The following DUSP14 variants were observed in gnomAD, a reference collection of about 807,000 sequenced individuals.
DUSP14 encodes the protein dual specificity protein phosphatase 14.
A neutral mutation model predicts 13.2 loss-of-function variants in DUSP14; 5 were observed. The observed-to-expected ratio is 0.38, with a 90% CI of 0.20 to 0.80. The LOEUF is 0.80. Ranked by LOEUF, DUSP14 falls within the 30% of genes least tolerant of loss-of-function variation. The pLI is 0.44. For missense variants in DUSP14, 185 were observed against 264.0 expected, an observed-to-expected ratio of 0.70 and a Z score of 2.07; for synonymous variants, 91 against 103.4, an observed-to-expected ratio of 0.88 and a Z score of 0.73.
chr17:37,491,876 A>G (rs1377731565), intron 1 of DUSP14, among the ~76,000 whole-genome samples: 1 of 152,240 alleles, frequency 6.6e-6, no homozygotes, highest in Non-Finnish European at 1.5e-5. Context: ...AACTTTACTA[A>G]TAAGGTTAAA....
rs1643672387 is a variant in DUSP14, at chr17:37,512,629, C to T, written c.357C>T (p.Ala119=). 1 of 1,613,036 alleles carries T rather than the reference C, an allele frequency of 6.2e-7. No individual in the cohort carries two copies. The change falls in exon 3 of 3, where the codon GCC becomes GCT. Residue 119 remains alanine, a synonymous_variant. Coordinates refer to ENST00000617516, the MANE Select transcript of DUSP14 (RefSeq NM_007026.4). The surrounding 1 kb of genome is among the most constrained non-coding windows in gnomAD (Gnocchi z 4.8). ...GTGCTGCAGGGGTGAGCCGCTCAGCCACGCTGTGTATCGCGTACCTGATGA... is the reference window on the plus strand; with the variant it reads ...GTGCTGCAGGGGTGAGCCGCTCAGCTACGCTGTGTATCGCGTACCTGATGA... ...VHCAAGVSRS[A]TLCIAYLMKF... is the part of the protein sequence containing the mutation.
At chr17:37,493,712 A>C (rs2054044534) in intron 1 of DUSP14, among the ~76,000 whole-genome samples, 1 of 151,842 alleles carries the variant, frequency 6.6e-6, no homozygotes, top group Admixed American at 6.6e-5. Flanking sequence ...AGTTACAGGA[A>C]ATTTTAAATA....
At chr17:37,509,620 C>T (rs1005928654) in intron 1 of DUSP14, among the ~76,000 whole-genome samples, 1 of 151,810 alleles carries the variant, frequency 6.6e-6, no homozygotes, top group Non-Finnish European at 1.5e-5. Flanking sequence ...CCACGCTTGG[C>T]CTATATATAT....
At chr17:37,500,027 A>T (rs1056572004) in intron 1 of DUSP14, among the ~76,000 whole-genome samples, 13 of 152,222 alleles carry the variant, frequency 8.5e-5, no homozygotes, top group Non-Finnish European at 1.5e-4. Context: ...AGTTGCCCTC[A>T]CAGTGCAGTC....
intron 1 of DUSP14, chr17:37,509,921 C>G (rs2054171906): frequency 2.0e-5 from 3 of 150,738 alleles, no homozygotes; most frequent in Admixed American, 2.0e-4. Flanking sequence ...AAAAACACGA[C>G]AGGTCTGACA....
chr17:37,507,697 C>T (rs151232332), intron 1 of DUSP14, among the ~76,000 whole-genome samples: 1,703 of 152,206 alleles, frequency 0.011, 31 homozygotes, highest in African/African-American at 0.037. Flanking sequence ...CCTCGGCCTC[C>T]CAAAGTGCTG....
chr17:37,512,438 A>G lies in DUSP14; in HGVS notation c.166A>G (p.Ile56Val), dbSNP rs200161175. Residue 56 changes from isoleucine (I) to valine (V), a missense_variant, in exon 3 of 3, where the codon ATT (isoleucine) becomes GTT (valine). Ile to Val is a conservative substitution (Grantham distance 29). Coordinates refer to ENST00000617516, the MANE Select transcript of DUSP14 (RefSeq NM_007026.4). The surrounding 1 kb of genome is among the most constrained non-coding windows in gnomAD (Gnocchi z 4.8). The stretch of plus-strand genomic sequence containing the variant: ...CCTCCAGGCTCGTGGCATCACCTGC[A>G]TTGTTAATGCTACCATTGAGATCCC... ...HLLQARGITC[I>V]VNATIEIPNF... The G allele has an allele frequency of 7.4e-6, 12 of 1,614,168 alleles. No homozygotes were observed. The Admixed American group carries it at 1.2e-4, about 16-fold the overall frequency.
At chr17:37,511,939 T>G (rs1387901275) in intron 2 of DUSP14, among the ~76,000 whole-genome samples, 9 of 31,342 alleles carry the variant, frequency 2.9e-4, no homozygotes, top group East Asian at 6.3e-3. Flanking sequence ...CCCACCCCAC[T>G]TTTTTTTTTT....
intron 1 of DUSP14, among the ~76,000 whole-genome samples, chr17:37,509,160 CACACACACTCTATATA>C: frequency 1.8e-5 from 1 of 55,556 alleles, no homozygotes; most frequent in African/African-American, 7.1e-5. Flanking sequence ...CACACACACA[CACACACACTCTATATA>C]TATATGTACT....
At chr17:37,510,986 A>C (rs1304006232) in intron 2 of DUSP14, among the ~76,000 whole-genome samples, 1 of 117,166 alleles carries the variant, frequency 8.5e-6, no homozygotes, top group African/African-American at 3.6e-5. Flanking sequence ...ATTAAATGTC[A>C]ATATATATAT....
chr17:37,506,979 C>T (rs1287600481), intron 1 of DUSP14, among the ~76,000 whole-genome samples: 2 of 152,186 alleles, frequency 1.3e-5, no homozygotes, highest in Non-Finnish European at 2.9e-5. Flanking sequence ...TGTGGAGCGC[C>T]GCGAGGCAGG....
At chr17:37,494,844 T>G (rs1362906047) in intron 1 of DUSP14, among the ~76,000 whole-genome samples, 1 of 152,194 alleles carries the variant, frequency 6.6e-6, no homozygotes, top group Non-Finnish European at 1.5e-5. Flanking sequence ...AAGACTGAGA[T>G]TTGTAGATCC....
chr17:37,509,267 A>AGT (rs1428699079), intron 1 of DUSP14, among the ~76,000 whole-genome samples: 1 of 73,216 alleles, frequency 1.4e-5, no homozygotes, highest in East Asian at 3.5e-4. Flanking sequence ...ATATATATAT[A>AGT]TATATATATA....
At position 37,509,219 on chromosome 17, in the gene DUSP14, CTATA is replaced by C. The variant is rs199507170; in HGVS notation, c.-180-1453_-180-1450del. Among the ~76,000 whole-genome samples, 153 of 91,232 alleles carry C rather than the reference CTATA, an allele frequency of 1.7e-3. 6 individuals are homozygous for C. The highest frequency in any genetic ancestry group is 2.3e-3 in the Non-Finnish European group (105 of 45,204). The allele number at this position is 91,232 out of a possible 152,430, so 59.9% of individuals were successfully genotyped here. A position where few individuals can be genotyped will look rare whatever the true frequency, so the allele number is the denominator to read the frequency against. On this transcript the variant is annotated intron_variant, in intron 1 of 2. Coordinates refer to ENST00000617516, the MANE Select transcript of DUSP14 (RefSeq NM_007026.4). ...TGTGTACTATATATGTATATATACA[CTATA>C]TATACACACTATATACACACTATAT...
chr17:37,492,196 T>C (rs536893190), intron 1 of DUSP14, among the ~76,000 whole-genome samples: 16 of 152,204 alleles, frequency 1.1e-4, no homozygotes, highest in Non-Finnish European at 2.1e-4. Flanking sequence ...ATCATTACGA[T>C]CCTAGGTTTT....
intron 1 of DUSP14, among the ~76,000 whole-genome samples, chr17:37,499,603 A>G (rs2054092140): frequency 6.6e-6 from 1 of 152,086 alleles, no homozygotes; most frequent in South Asian, 2.1e-4. Context: ...ATCTCGGCTC[A>G]CTGCAACCTC....
rs2054193871 is a variant in DUSP14 at position 37,512,242 on chromosome 17, C to T, written c.-31C>T. On this transcript the variant is annotated 5_prime_UTR_variant, in exon 3 of 3. Transcript: ENST00000617516. The surrounding 1 kb of genome is among the most constrained non-coding windows in gnomAD (Gnocchi z 4.8). ...AAATAAAACACTCTGGTCTTGCCGC[C>T]AACGATGCAAGTGTGACTGCTGGCG... 5 of 1,547,708 alleles carry T rather than the reference C, an allele frequency of 3.2e-6. No individual in the cohort carries two copies. Among genetic ancestry groups the T allele is most frequent in the African/African-American group, 1.4e-5 (1 of 72,750 alleles).
chr17:37,494,075 G>A (rs896734969), intron 1 of DUSP14, among the ~76,000 whole-genome samples: 7 of 150,354 alleles, frequency 4.7e-5, no homozygotes, highest in Non-Finnish European at 7.4e-5. Context: ...CTCACTGCAA[G>A]CTCCGCCTCC....
rs1268716814 is a variant in DUSP14 at position 37,509,275 on chromosome 17, A to AG, written c.-180-1402_-180-1401insG. 5.1e-3 allele frequency among the ~76,000 whole-genome samples: 312 copies of AG among 61,304 alleles called. 1 individual carries two copies. Among genetic ancestry groups the AG allele is most frequent in the East Asian group, 0.017 (43 of 2,458 alleles). 40.2% of individuals were successfully genotyped at this position (61,304 alleles called of 152,430 possible). On this transcript the variant is annotated intron_variant, in intron 1 of 2. Transcript: ENST00000617516. ...TATATATATATATATATATATATAT[A>AG]TATATATATATATATATATATAGTG... is the stretch of plus-strand genomic sequence containing the variant.
Sources: gnomAD v4.1 joint callset for allele counts (sites outside exome capture counted in the v4.1 genomes callset) on GRCh38, gnomAD v4.1.1 for gene constraint, Gnocchi (gnomAD v3.1) non-coding constraint, MANE v1.5 for transcripts, NCBI Gene and HGNC (gene_info 2026-07-23, HGNC 2026-07-21) for gene names.